Variants in CCSER1 observed in about 807,000 individuals in gnomAD.
The protein encoded by CCSER1 is coiled-coil serine rich protein 1.
A neutral mutation model predicts 82.0 loss-of-function variants in CCSER1; 41 were observed. The ratio of observed to expected loss-of-function variants is 0.50; its 90% CI spans 0.39 to 0.65. CCSER1 has a LOEUF of 0.65. Among genes scored for constraint, CCSER1 ranks in the 30% least tolerant of loss-of-function variants. The pLI, the probability that CCSER1 is intolerant of heterozygous loss-of-function variation, is 0.00. For missense variants in CCSER1, 1,119 were observed against 1,064.2 expected (o/e 1.05, Z -0.72); for synonymous variants, 414 against 383.9 (o/e 1.08, Z -0.92).
intron 10 of CCSER1, among the ~76,000 whole-genome samples, chr4:91,280,449 G>A (rs574124048): frequency 7.2e-5 from 11 of 152,148 alleles, no homozygotes; most frequent in Non-Finnish European, 1.3e-4. Context: ...ACAGGTGGGT[G>A]CCAGCTGTGA....
At chr4:90,991,318 C>T (rs540736931) in intron 9 of CCSER1, among the ~76,000 whole-genome samples, 1 of 152,036 alleles carries the variant, frequency 6.6e-6, no homozygotes, top group Admixed American at 6.6e-5. Flanking sequence ...TGGCTTAAAA[C>T]AAGAGAAATT....
At chr4:90,972,268 A>G (rs9968476) in intron 9 of CCSER1, among the ~76,000 whole-genome samples, 1 of 151,762 alleles carries the variant, frequency 6.6e-6, no homozygotes. Context: ...TAGAACTAAT[A>G]AATAAATTCA....
intron 1 of CCSER1, among the ~76,000 whole-genome samples, chr4:90,293,597 TA>T (rs965430347): frequency 5.3e-5 from 8 of 150,414 alleles, no homozygotes; most frequent in Admixed American, 3.3e-4. Flanking sequence ...TTTTATAAAA[TA>T]AAAAAAGAAA....
chr4:91,096,560 C>T lies in CCSER1; in HGVS notation c.2217+10566C>T, dbSNP rs982991872. 7.9e-5 allele frequency among the ~76,000 whole-genome samples: 12 copies of T among 152,136 alleles called. 1 individual carries two copies. Among genetic ancestry groups the T allele is most frequent in the African/African-American group, 2.7e-4 (11 of 41,432 alleles). ...TCCTGGCTTGCCAGTTACTTTATGC[C>T]ATACCTTTGAAACCAGAGACCTGTC... On this transcript the variant is annotated intron_variant, in intron 10 of 10. Transcript: ENST00000509176.
At chr4:90,292,231 C>G (rs934311709) in intron 1 of CCSER1, among the ~76,000 whole-genome samples, 1 of 151,778 alleles carries the variant, frequency 6.6e-6, no homozygotes, top group Non-Finnish European at 1.5e-5. Flanking sequence ...CATTATTTTT[C>G]CCTTCATATC....
intron 10 of CCSER1, among the ~76,000 whole-genome samples, chr4:91,133,611 T>C (rs574048140): frequency 1.8e-4 from 27 of 152,174 alleles, no homozygotes; most frequent in African/African-American, 6.3e-4. Flanking sequence ...GTGTGGGTGC[T>C]CATAACACAT....
chr4:90,443,743 G>A (rs770262754), intron 4 of CCSER1, among the ~76,000 whole-genome samples: 59 of 151,912 alleles, frequency 3.9e-4, no homozygotes, highest in Middle Eastern at 6.8e-3. Flanking sequence ...GTCATTAAGC[G>A]AGAGCAATTC....
At chr4:91,217,969 G>A (rs187485195) in intron 10 of CCSER1, among the ~76,000 whole-genome samples, 1,699 of 152,334 alleles carry the variant, frequency 0.011, 16 homozygotes, top group Non-Finnish European at 0.017. Context: ...CTGTGAGCTC[G>A]CATTCCTCAG....
In CCSER1 at chr4:91,461,777, T is replaced by G. The variant is rs1756515404; in HGVS notation, c.2218-136795T>G. Among the ~76,000 whole-genome samples the G allele has an allele frequency of 2.0e-5, 3 of 152,136 alleles. No homozygotes were observed. In the South Asian group the frequency reaches 6.2e-4, roughly 31 times the overall value. ...CCTAGCACAGTAATGTTCAAAAGGG[T>G]ATCTCTCAGTAACTATTTTTGTACA... On this transcript the variant is annotated intron_variant, in intron 10 of 10. Transcript: ENST00000509176.
chr4:91,558,638 A>G (rs969791108), intron 10 of CCSER1, among the ~76,000 whole-genome samples: 1 of 151,682 alleles, frequency 6.6e-6, no homozygotes, highest in Non-Finnish European at 1.5e-5. Flanking sequence ...GAATTATGGC[A>G]GGAAGTGAAA....
At chr4:90,221,729 C>G (rs932647777) in intron 1 of CCSER1, among the ~76,000 whole-genome samples, 4 of 152,110 alleles carry the variant, frequency 2.6e-5, no homozygotes, top group African/African-American at 4.8e-5. Context: ...ATAATGTCTG[C>G]TGTAAGCGAG....
At chr4:90,149,499 T>A (rs1053715899) in intron 1 of CCSER1, among the ~76,000 whole-genome samples, 13 of 152,282 alleles carry the variant, frequency 8.5e-5, no homozygotes, top group African/African-American at 2.9e-4. Context: ...GGGAAATTAC[T>A]CAAATCAGGT....
intron 10 of CCSER1, among the ~76,000 whole-genome samples, chr4:91,374,564 T>C (rs775028203): frequency 2.0e-5 from 3 of 152,202 alleles, no homozygotes; most frequent in Non-Finnish European, 4.4e-5. Flanking sequence ...TTACTACTCA[T>C]TGACAATGTA....
intron 5 of CCSER1, among the ~76,000 whole-genome samples, chr4:90,471,156 A>G (rs1560570459): frequency 1.3e-5 from 2 of 152,182 alleles, no homozygotes; most frequent in East Asian, 3.9e-4. Flanking sequence ...ATTTTAAATG[A>G]TTTTTTACCT....
At chr4:91,540,263 G>A (rs768852687) in intron 10 of CCSER1, among the ~76,000 whole-genome samples, 13 of 152,078 alleles carry the variant, frequency 8.5e-5, no homozygotes, top group South Asian at 2.1e-4. Context: ...TTTACATTAG[G>A]GTTCGCACTT....
intron 7 of CCSER1, among the ~76,000 whole-genome samples, chr4:90,766,058 G>A (rs188774020): frequency 1.4e-3 from 217 of 152,242 alleles, no homozygotes; most frequent in Non-Finnish European, 2.8e-3. Flanking sequence ...GAAAATGTGT[G>A]TGTGTGTATG....
chr4:90,970,526 A>G (rs1389446041), intron 9 of CCSER1, among the ~76,000 whole-genome samples: 1 of 152,038 alleles, frequency 6.6e-6, no homozygotes, highest in Non-Finnish European at 1.5e-5. Context: ...TATGTTATCA[A>G]CATTGAATAT....
At chr4:90,252,403 T>G (rs1245687362) in intron 1 of CCSER1, among the ~76,000 whole-genome samples, 1 of 151,904 alleles carries the variant, frequency 6.6e-6, no homozygotes, top group Non-Finnish European at 1.5e-5. Context: ...AATTTCTCTT[T>G]TGATTTATTT....
chr4:90,155,058 A>G (rs1280101303), intron 1 of CCSER1, among the ~76,000 whole-genome samples: 1 of 152,202 alleles, frequency 6.6e-6, no homozygotes, highest in Admixed American at 6.5e-5. Context: ...CATCCCATCA[A>G]TACCTAATTT....
Sources: gnomAD v4.1 joint callset for allele counts (sites outside exome capture counted in the v4.1 genomes callset) on GRCh38, gnomAD v4.1.1 for gene constraint, MANE v1.5 for transcripts, NCBI Gene and HGNC (gene_info 2026-07-23, HGNC 2026-07-21) for gene names.